Variants in DIPK2B observed in about 807,000 individuals in gnomAD.
DIPK2B encodes the protein divergent protein kinase domain 2B, also known as UPF0672 protein CXorf36.
DIPK2B carries 15 observed loss-of-function variants against 22.2 expected under a neutral mutation model. The ratio of observed to expected loss-of-function variants is 0.68; its 90% confidence interval spans 0.45 to 1.04. The LOEUF is 1.04. DIPK2B is among the 50% of genes least tolerant of loss of function. DIPK2B has a pLI of 0.00. For synonymous variants in DIPK2B, 163 were observed against 153.2 expected (o/e 1.06, Z -0.47); for missense variants, 345 against 348.3 (o/e 0.99, Z 0.08).
Position 45,178,811 on chromosome X carries a change from A to C in DIPK2B, c.498+12940T>G, listed in dbSNP as rs2047133215. On this transcript the variant is annotated intron_variant, in intron 2 of 4. Transcript: ENST00000398000. Reference sequence around the variant, plus strand: ...TCAGAGAACCACATTAAAAGAATGTATTGCCAAGCAGATATTTCAGAGGCT... The same window carrying C: ...TCAGAGAACCACATTAAAAGAATGTCTTGCCAAGCAGATATTTCAGAGGCT... Among the ~76,000 whole-genome samples the C allele has an allele frequency of 6.3e-5, 7 of 111,496 alleles. No homozygotes were observed. In the Middle Eastern group the frequency reaches 0.023, roughly 365 times the overall value.
At chrX:45,167,327 CA>C (rs1355963828) in intron 2 of DIPK2B, among the ~76,000 whole-genome samples, 1 of 108,874 alleles carries the variant, frequency 9.2e-6, no homozygotes, top group African/African-American at 3.4e-5. Context: ...CATGTGTCTA[CA>C]AAAAAATGAA....
intron 4 of DIPK2B, among the ~76,000 whole-genome samples, 194 bp from the exon 5 acceptor site, chrX:45,152,186 C>T (rs1219848053): frequency 9.0e-6 from 1 of 110,951 alleles, no homozygotes; most frequent in Non-Finnish European, 1.9e-5. Flanking sequence ...GGTGAAACCC[C>T]GTCTCTACTA....
chrX:45,166,060 C>T (rs752535071), intron 2 of DIPK2B, among the ~76,000 whole-genome samples: 5 of 111,819 alleles, frequency 4.5e-5, no homozygotes, highest in Non-Finnish European at 7.5e-5. Context: ...AAAGGCTCTA[C>T]CTAATGAGCT....
intron 3 of DIPK2B, among the ~76,000 whole-genome samples, chrX:45,157,296 T>A (rs1206442980): frequency 8.9e-6 from 1 of 111,861 alleles, no homozygotes; most frequent in Non-Finnish European, 1.9e-5. Context: ...TATGGACATT[T>A]AGGAGTTACT....
At chrX:45,162,281 A>T in intron 2 of DIPK2B, 1 of 571,740 alleles carries the variant, frequency 1.7e-6, no homozygotes, top group Non-Finnish European at 2.1e-6. Context: ...CTCAAGTTGC[A>T]TATTCATAAG....
rs1258287416 is a variant in DIPK2B, at chrX:45,154,198, T to A, written c.673A>T (p.Ile225Phe). 2.5e-6 allele frequency: 3 copies of A among 1,194,342 alleles called. No homozygotes were observed. Among genetic ancestry groups the A allele is most frequent in the Non-Finnish European group, 3.4e-6 (3 of 887,415 alleles). The change falls in exon 4 of 5, where the codon ATC becomes TTC. Residue 225 changes from isoleucine to phenylalanine, a missense_variant and splice_region_variant. By Grantham distance (21) the Ile-to-Phe change is conservative. Coordinates refer to ENST00000398000, the MANE Select transcript of DIPK2B (RefSeq NM_176819.4). ...AVNSHPILLQIFPGAEGWPLP... is the reference protein window; with the variant it reads ...AVNSHPILLQFFPGAEGWPLP... ...GGCCATCCCTCAGCCCCAGGGAAGA[T>A]CTGCCAAGCCAGAAGGAGGAGGATT...
intron 1 of DIPK2B, among the ~76,000 whole-genome samples, chrX:45,197,656 T>C (rs2047246502): frequency 8.9e-6 from 1 of 111,780 alleles, no homozygotes; most frequent in Non-Finnish European, 1.9e-5. Context: ...AAAGAAGAAA[T>C]ACAAATGGTC....
intron 2 of DIPK2B, among the ~76,000 whole-genome samples, chrX:45,169,703 G>T (rs1011944927): frequency 1.8e-5 from 2 of 112,015 alleles, no homozygotes; most frequent in Non-Finnish European, 3.8e-5. Context: ...ACAGGCTGTG[G>T]CGTGCTTTGT....
At chrX:45,154,279 C>T in intron 3 of DIPK2B, 81 bp from the exon 4 acceptor site, 1 of 252,569 alleles carries the variant, frequency 4.0e-6, no homozygotes, top group Non-Finnish European at 6.2e-6. Context: ...ATCTATCTCC[C>T]TATCTATCTA....
In DIPK2B at chrX:45,160,204, AGATCTTTTTTTTTTTTTAAT is replaced by A. The variant is rs779429463; in HGVS notation, c.499-2336_499-2317del. On this transcript the variant is annotated intron_variant, in intron 2 of 4. Transcript: ENST00000398000. ...CTTCATAAATTACCCAGTCTCAGGT[AGATCTTTTTTTTTTTTTAAT>A]GAGACAAAGTTTCACTCTTGTCCCC... Among the ~76,000 whole-genome samples the A allele has an allele frequency of 5.9e-3, 643 of 108,752 alleles. 5 individuals are homozygous for A. The highest frequency in any genetic ancestry group is 0.02 in the African/African-American group (606 of 29,860). 94.4% of individuals were successfully genotyped at this position (108,752 alleles called of 115,157 possible).
chrX:45,180,315 A>C (rs2047142923), intron 2 of DIPK2B, among the ~76,000 whole-genome samples: 1 of 112,159 alleles, frequency 8.9e-6, no homozygotes, highest in African/African-American at 3.2e-5. Context: ...GAAGCAGATA[A>C]GTTGAGAATA....
At chrX:45,179,608 G>A (rs956775511) in intron 2 of DIPK2B, among the ~76,000 whole-genome samples, 6 of 111,520 alleles carry the variant, frequency 5.4e-5, no homozygotes, top group African/African-American at 1.6e-4. Flanking sequence ...AATGCAAAAT[G>A]CAATATCTGA....
intron 1 of DIPK2B, among the ~76,000 whole-genome samples, chrX:45,195,617 G>A (rs971915109): frequency 1.8e-5 from 2 of 111,813 alleles, no homozygotes; most frequent in Non-Finnish European, 3.8e-5. Context: ...TACAGTTCAT[G>A]CTCCTTAATT....
chrX:45,149,642 G>A lies in DIPK2B; in HGVS notation c.*2010C>T, dbSNP rs951795078. On this transcript the variant is annotated 3_prime_UTR_variant, in exon 5 of 5. Transcript: ENST00000398000. ...CAGAGGCTGAAGGGGAGGGCAATAGGAGCCTCCTAATAGCAATGGGGCTCC... is the reference window on the plus strand; with the variant it reads ...CAGAGGCTGAAGGGGAGGGCAATAGAAGCCTCCTAATAGCAATGGGGCTCC... 4 of 112,593 alleles carry A rather than the reference G, an allele frequency of 3.6e-5. No homozygotes were observed. The highest frequency in any genetic ancestry group is 9.7e-5 in the African/African-American group (3 of 30,879). The allele number at this position is 112,593 out of a possible 1,213,427, so 9.3% of individuals were successfully genotyped here.
intron 2 of DIPK2B, among the ~76,000 whole-genome samples, chrX:45,158,624 G>A (rs1050952334): frequency 2.7e-5 from 3 of 109,684 alleles, no homozygotes; most frequent in Admixed American, 1.9e-4. Flanking sequence ...ACAAAGAAGA[G>A]CATGAACCTC....
rs2046959287 is a variant in DIPK2B, at chrX:45,151,165, G to C, written c.*487C>G. 1 of 115,495 alleles carries C rather than the reference G, an allele frequency of 8.7e-6. No homozygotes were observed. The highest frequency in any genetic ancestry group is 1.8e-5 in the Non-Finnish European group (1 of 56,087). 9.5% of individuals were successfully genotyped at this position (115,495 alleles called of 1,213,427 possible). The stretch of plus-strand genomic sequence containing the variant: ...GGCCCCTCTTGTCCGAGTCTAAAGT[G>C]GTAGTGGCAGGGAGCCTGTCCTTCC... On this transcript the variant is annotated 3_prime_UTR_variant, in exon 5 of 5. Transcript: ENST00000398000.
intron 2 of DIPK2B, among the ~76,000 whole-genome samples, chrX:45,189,100 C>T (rs2047197976): frequency 8.9e-6 from 1 of 112,189 alleles, no homozygotes; most frequent in Non-Finnish European, 1.9e-5. Context: ...ACCATGGTCC[C>T]CAGGCTCATC....
chrX:45,157,346 A>T (rs2047000409), intron 3 of DIPK2B, among the ~76,000 whole-genome samples: 2 of 110,810 alleles, frequency 1.8e-5, no homozygotes, highest in East Asian at 5.7e-4. Context: ...GATGCAAGGT[A>T]CCTCTCTGGG....
At chrX:45,155,401 C>T (rs1360440963) in intron 3 of DIPK2B, among the ~76,000 whole-genome samples, 4 of 99,604 alleles carry the variant, frequency 4.0e-5, no homozygotes, top group African/African-American at 1.1e-4. Flanking sequence ...CCAGCCTGGG[C>T]GACAGAGCGT....
Sources: allele counts gnomAD v4.1 joint callset (sites outside exome capture counted in the v4.1 genomes callset), GRCh38; gene constraint gnomAD v4.1.1; transcripts MANE v1.5; gene names NCBI Gene and HGNC (gene_info 2026-07-23, HGNC 2026-07-21).